Variants in LMTK2 observed in about 807,000 individuals in gnomAD.
LMTK2 encodes the protein lemur tail kinase 2, also known as serine/threonine-protein kinase LMTK2.
Under a neutral mutation model 127.5 loss-of-function variants are expected in LMTK2, and 37 were observed. The observed-to-expected ratio is 0.29, with a 90% CI of 0.22 to 0.38. The LOEUF is 0.38. LMTK2 is among the 10% of genes least tolerant of loss of function. The probability of loss-of-function intolerance (pLI) is 1.00; values close to 1 mark genes in which losing one functional copy is unlikely to be tolerated. For synonymous variants in LMTK2, 819 were observed against 810.1 expected (o/e 1.01, Z -0.19); for missense variants, 1,694 against 1,920.3 (o/e 0.88, Z 2.20).
At chr7:98,126,428 A>T (rs1244941528) in intron 1 of LMTK2, 3 of 152,214 alleles carry the variant, frequency 2.0e-5, no homozygotes, top group Non-Finnish European at 4.4e-5. Context: ...CGGCTTCCGG[A>T]GTGTGGAACC....
At chr7:98,199,393 G>T (rs192513706) in intron 11 of LMTK2, among the ~76,000 whole-genome samples, 8 of 152,308 alleles carry the variant, frequency 5.3e-5, no homozygotes, top group Admixed American at 3.9e-4. Flanking sequence ...CTCTGTTGAT[G>T]CATATACATT....
intron 5 of LMTK2, among the ~76,000 whole-genome samples, chr7:98,158,821 C>T (rs553515566): frequency 6.6e-6 from 1 of 152,284 alleles, no homozygotes; most frequent in South Asian, 2.1e-4. Flanking sequence ...CCCGCAGGTA[C>T]TAAGGGATGA....
intron 11 of LMTK2, among the ~76,000 whole-genome samples, chr7:98,199,526 A>G (rs1177726185): frequency 8.4e-6 from 1 of 119,534 alleles, no homozygotes; most frequent in Non-Finnish European, 1.6e-5. Context: ...AGACAGTCTC[A>G]CTTTGTCACC....
In LMTK2 at chr7:98,193,240, G is replaced by A. The variant is rs2116466166; in HGVS notation, c.2775G>A (p.Leu925=). ...GSSLPELGQE[L]HNKPFSEDHH... Reference sequence around the variant, plus strand: ...GTCTCCCGGAACTGGGACAGGAATTGCACAATAAACCATTTTCGGAAGACC... The same window carrying A: ...GTCTCCCGGAACTGGGACAGGAATTACACAATAAACCATTTTCGGAAGACC... The change falls in exon 11 of 14, where the codon TTG becomes TTA. Residue 925 remains leucine, a synonymous_variant. Transcript: ENST00000297293. This position sits in a 1 kb window ranked among gnomAD's most constrained non-coding sequence, Gnocchi z 4.1. 6.2e-7 allele frequency: 1 copy of A among 1,613,748 alleles called. No homozygotes were observed.
chr7:98,165,192 A>G (rs559840869), intron 6 of LMTK2, among the ~76,000 whole-genome samples: 21 of 152,350 alleles, frequency 1.4e-4, no homozygotes, highest in Non-Finnish European at 2.6e-4. Flanking sequence ...GCCACTGCCC[A>G]CAACGGGGAG....
Position 98,194,417 on chromosome 7 carries a change from G to C in LMTK2, c.3952G>C (p.Val1318Leu), listed in dbSNP as rs369984636. ...SESEDETEHP[V>L]PIILSNEDGR... ...GTCGGAGGACGAGACCGAGCACCCC[G>C]TGCCCATCATCCTCAGCAACGAGGA... Residue 1318 changes from valine (V) to leucine (L), a missense_variant, in exon 11 of 14, where the codon GTG (valine) becomes CTG (leucine). Val to Leu is a conservative substitution (Grantham distance 32, BLOSUM62 1). Transcript: ENST00000297293. The surrounding 1 kb of genome is among the most constrained non-coding windows in gnomAD (Gnocchi z 5.4). The C allele has an allele frequency of 5.9e-5, 96 of 1,614,034 alleles. No homozygotes were observed. Among genetic ancestry groups the C allele is most frequent in the Non-Finnish European group, 6.5e-5 (77 of 1,180,048 alleles).
Position 98,204,129 on chromosome 7 carries a change from G to A in LMTK2, c.4426G>A (p.Ala1476Thr), listed in dbSNP as rs142965943. 2.5e-5 allele frequency: 41 copies of A among 1,611,470 alleles called. No homozygotes were observed. The highest frequency in any genetic ancestry group is 1.2e-4 in the Admixed American group (7 of 59,994). The change falls in exon 13 of 14, where the codon GCC (alanine) becomes ACC (threonine). Residue 1476 changes from alanine to threonine, a missense_variant. By Grantham distance (58) the Ala-to-Thr change is moderately conservative. This residue lies in a region of LMTK2 where 554 missense variants were observed against 567.7 expected (regional missense o/e 0.98). Transcript: ENST00000297293. ...APYSRFSISPANIASFSLTHL... is the reference protein window; with the variant it reads ...APYSRFSISPTNIASFSLTHL... ...TTACTCCCGGTTCTCCATCTCTCCC[G>A]CCAACATTGCCAGCTTTTCCCTCAC...
rs763164554 is a variant in LMTK2, at chr7:98,132,914, A to G, written c.104-4401A>G. 1.2e-4 allele frequency among the ~76,000 whole-genome samples: 18 copies of G among 152,198 alleles called. 1 individual carries two copies. The highest frequency in any genetic ancestry group is 2.0e-4 in the Admixed American group (3 of 15,280). ...GGCTGGAGTTATAATGGTTGAATTA[A>G]TAGGTGGTATTCCTGGCTTACCTTG... On this transcript the variant is annotated intron_variant, in intron 1 of 13. Coordinates refer to ENST00000297293, the MANE Select transcript of LMTK2 (RefSeq NM_014916.4).
rs1192481497 is a variant in LMTK2, at chr7:98,206,610, CG to C, written c.*1122del. The C allele has an allele frequency of 1.3e-5, 2 of 152,244 alleles. No homozygotes were observed. Among genetic ancestry groups the C allele is most frequent in the Admixed American group, 1.3e-4 (2 of 15,288 alleles). 9.4% of individuals were successfully genotyped at this position (152,244 alleles called of 1,614,324 possible). On this transcript the variant is annotated 3_prime_UTR_variant, in exon 14 of 14. Transcript: ENST00000297293. The stretch of plus-strand genomic sequence containing the variant: ...CCTGTCAGTCCTTCCTTCAAGAAGC[CG>C]GGGAACTCAGGCAGACTCATCTCCG...
rs2116495364 is a variant in LMTK2 at position 98,208,594 on chromosome 7, T to C, written c.*3102T>C. Reference sequence around the variant, plus strand: ...CTGTTTTGGTGGAGTTTGTACATTTTAAATCCTATAACAAAAATAATCTAG... The same window carrying C: ...CTGTTTTGGTGGAGTTTGTACATTTCAAATCCTATAACAAAAATAATCTAG... On this transcript the variant is annotated 3_prime_UTR_variant, in exon 14 of 14. Transcript: ENST00000297293. The C allele has an allele frequency of 6.6e-6, 1 of 152,360 alleles. No individual in the cohort carries two copies. Among genetic ancestry groups the C allele is most frequent in the African/African-American group, 2.4e-5 (1 of 41,586 alleles). The allele number at this position is 152,360 out of a possible 1,614,324, so 9.4% of individuals were successfully genotyped here.
At chr7:98,202,902 G>T (rs1364283519) in intron 11 of LMTK2, among the ~76,000 whole-genome samples, 1 of 152,160 alleles carries the variant, frequency 6.6e-6, no homozygotes, top group Non-Finnish European at 1.5e-5. Context: ...TGAGGCTTTA[G>T]TTACACGATG....
chr7:98,187,450 A>T (rs1797453336), intron 9 of LMTK2, among the ~76,000 whole-genome samples: 1 of 151,714 alleles, frequency 6.6e-6, no homozygotes, highest in African/African-American at 2.4e-5. Flanking sequence ...GCTATGTTTT[A>T]TGTGCTGTTG....
Position 98,192,999 on chromosome 7 carries a change from T to C in LMTK2, c.2534T>C (p.Leu845Ser), listed in dbSNP as rs1284691437. 6.2e-7 allele frequency: 1 copy of C among 1,614,034 alleles called. No individual in the cohort carries two copies. Among genetic ancestry groups the C allele is most frequent in the South Asian group, 1.1e-5 (1 of 91,074 alleles). Residue 845 changes from leucine (L) to serine (S), a missense_variant, in exon 11 of 14, where the codon TTA becomes TCA. Physicochemically the swap from Leu to Ser is moderately radical, Grantham distance 145 (BLOSUM62 -2). This residue lies in a region of LMTK2 where 527 missense variants were observed against 539.8 expected (regional missense o/e 0.98). Transcript: ENST00000297293. ...PTQGETQPTC[L>S]DVIVPEDCLH... ...CAGGGAGAAACCCAGCCCACGTGTT[T>C]AGATGTTATTGTCCCGGAGGACTGT...
At chr7:98,176,540 G>A (rs1402298077) in intron 7 of LMTK2, among the ~76,000 whole-genome samples, 1 of 151,882 alleles carries the variant, frequency 6.6e-6, no homozygotes, top group African/African-American at 2.4e-5. Flanking sequence ...AAATAAGGGG[G>A]AAAAAAGAAA....
intron 7 of LMTK2, among the ~76,000 whole-genome samples, chr7:98,182,510 T>C (rs1210730494): frequency 2.0e-5 from 3 of 152,128 alleles, no homozygotes; most frequent in Non-Finnish European, 4.4e-5. Context: ...ATTAGGAAAA[T>C]CCAAGTCAAT....
At chr7:98,140,696 T>C (rs1248193239) in intron 2 of LMTK2, among the ~76,000 whole-genome samples, 1 of 152,172 alleles carries the variant, frequency 6.6e-6, no homozygotes, top group African/African-American at 2.4e-5. Context: ...GAAATGCATA[T>C]ACAACTTTAA....
chr7:98,119,504 T>A (rs1796333358), intron 1 of LMTK2, among the ~76,000 whole-genome samples: 1 of 152,194 alleles, frequency 6.6e-6, no homozygotes, highest in Non-Finnish European at 1.5e-5. Context: ...TTGAAATAAG[T>A]ATTTTTTTAT....
chr7:98,137,068 A>G (rs1796604766), intron 1 of LMTK2, among the ~76,000 whole-genome samples: 1 of 152,240 alleles, frequency 6.6e-6, no homozygotes, highest in Non-Finnish European at 1.5e-5. Flanking sequence ...GTACGATGTT[A>G]GCATTAGTGG....
At chr7:98,174,624 G>A (rs1318323170) in intron 7 of LMTK2, among the ~76,000 whole-genome samples, 3 of 152,180 alleles carry the variant, frequency 2.0e-5, no homozygotes, top group South Asian at 4.1e-4. Context: ...CTGCCTCCTC[G>A]CAGTGACTCA....
Sources: gnomAD v4.1 joint callset for allele counts (sites outside exome capture counted in the v4.1 genomes callset) on GRCh38, gnomAD v4.1.1 for gene constraint, gnomAD v4.1.1 regional missense constraint, Gnocchi (gnomAD v3.1) non-coding constraint, MANE v1.5 for transcripts, NCBI Gene and HGNC (gene_info 2026-07-23, HGNC 2026-07-21) for gene names.